C9orf78: variants seen among roughly 807,000 people sequenced by gnomAD.
The protein encoded by C9orf78 is splicing factor C9orf78.
In C9orf78, 19 loss-of-function variants were observed where a neutral mutation model predicts 37.4. The ratio of observed to expected loss-of-function variants is 0.51; its 90% confidence interval spans 0.35 to 0.74. The LOEUF (loss-of-function observed/expected upper bound fraction) is 0.74. C9orf78 is among the 30% of genes least tolerant of loss of function. The pLI, the probability that C9orf78 is intolerant of heterozygous loss-of-function variation, is 0.01. For synonymous variants in C9orf78, 130 were observed against 128.0 expected (o/e 1.02, Z -0.10); for missense variants, 291 against 370.8 (o/e 0.78, Z 1.77).
chr9:129,831,019 G>A lies in C9orf78; in HGVS notation c.394C>T (p.His132Tyr). 6.2e-7 allele frequency: 1 copy of A among 1,613,662 alleles called. No homozygotes were observed. The highest frequency in any genetic ancestry group is 8.5e-7 in the Non-Finnish European group (1 of 1,179,578). The change falls in exon 6 of 9, where the codon CAT becomes TAT. Residue 132 changes from histidine to tyrosine, a missense_variant. Transcript: ENST00000372447. ...ELKKRKGIVE[H>Y]EEQKVKPKNA... ...TTTGGCTTAACTTTCTGTTCCTCAT[G>A]TTCCACGATCCCTTTCCTCTTCTTT...
At position 129,829,441 on chromosome 9, in the gene C9orf78, T is replaced by C; in HGVS notation, c.643A>G (p.Thr215Ala). The C allele has an allele frequency of 1.9e-6, 3 of 1,614,120 alleles. No homozygotes were observed. The highest frequency in any genetic ancestry group is 2.2e-5 in the South Asian group (2 of 91,074). The change falls in exon 7 of 9, where the codon ACC becomes GCC. Residue 215 changes from threonine (T) to alanine (A), a missense_variant. By Grantham distance (58) the Thr-to-Ala change is moderately conservative. Around this residue, in one of 3 missense-constraint regions of C9orf78, gnomAD observed 120 missense variants for 148.7 expected, o/e 0.81. Transcript: ENST00000372447. ...TGCACATAATTCACAGCCATGTTGG[T>C]AGGCACGAAGGAGGTCTCGCTGTCT... ...KKDSETSFVPTNMAVNYVQHN... is the reference protein window; with the variant it reads ...KKDSETSFVPANMAVNYVQHN...
chr9:129,828,478 T>C (rs769611814), intron 8 of C9orf78: 3 of 368,878 alleles, frequency 8.1e-6, no homozygotes, highest in Non-Finnish European at 1.6e-5. Flanking sequence ...GGCTAGAGTG[T>C]AATGGCATGA....
rs765596582 is a variant in C9orf78 at position 129,829,523 on chromosome 9, G to A, written c.561C>T (p.Ile187=). Reference sequence around the variant, plus strand: ...GGGCCTTGGCATCCTCCGTGGAAATGATATTTTTTATTTTAGCACTATGGA... The same window carrying A: ...GGGCCTTGGCATCCTCCGTGGAAATAATATTTTTTATTTTAGCACTATGGA... ...DLGIDAKIKN[I]ISTEDAKARL... Residue 187 remains isoleucine, a synonymous_variant, in exon 7 of 9, where the codon ATC becomes ATT. Transcript: ENST00000372447. 11 of 1,613,784 alleles carry A rather than the reference G, an allele frequency of 6.8e-6. No homozygotes were observed. Among genetic ancestry groups the A allele is most frequent in the South Asian group, 2.2e-5 (2 of 91,066 alleles).
At chr9:129,829,624 C>G in intron 6 of C9orf78, 83 bp from the exon 7 acceptor site, 1 of 1,242,906 alleles carries the variant, frequency 8.0e-7, no homozygotes, top group South Asian at 1.3e-5. Flanking sequence ...GGCAGCCCAG[C>G]AGTACATAAG....
At position 129,828,089 on chromosome 9, in the gene C9orf78, G is replaced by A. The variant is rs149338374; in HGVS notation, c.*72C>T. On this transcript the variant is annotated 3_prime_UTR_variant, in exon 9 of 9. Coordinates refer to ENST00000372447, the MANE Select transcript of C9orf78 (RefSeq NM_016520.3). ...ATTACAGGCAGGAGCCACCACGCCC[G>A]GCCAGGAAGCCATTTTTCATGGGAG... 2.9e-5 allele frequency: 26 copies of A among 894,188 alleles called. No individual in the cohort carries two copies. The highest frequency in any genetic ancestry group is 1.7e-4 in the African/African-American group (10 of 60,324). 55.4% of individuals were successfully genotyped at this position (894,188 alleles called of 1,614,324 possible).
In C9orf78 at chr9:129,829,296, A is replaced by T; in HGVS notation, c.687T>A (p.His229Gln). The T allele has an allele frequency of 6.2e-7, 1 of 1,605,714 alleles. No individual in the cohort carries two copies. The highest frequency in any genetic ancestry group is 8.5e-7 in the Non-Finnish European group (1 of 1,175,808). Residue 229 changes from histidine (H) to glutamine (Q), a missense_variant, in exon 8 of 9, where the codon CAT becomes CAA. Coordinates refer to ENST00000372447, the MANE Select transcript of C9orf78 (RefSeq NM_016520.3). ...TCCGTATGGGCGCGTTGAGCTCCTC[A>T]TGATAAACTGGACCCAAAGAGACCA... is the stretch of plus-strand genomic sequence containing the variant. ...VNYVQHNRFY[H>Q]EELNAPIRRN...
rs1243362234 is a variant in C9orf78 at position 129,830,918 on chromosome 9, A to T, written c.495T>A (p.Leu165=). 6.2e-7 allele frequency: 1 copy of T among 1,613,928 alleles called. No homozygotes were observed. Among genetic ancestry groups the T allele is most frequent in the Non-Finnish European group, 8.5e-7 (1 of 1,179,934 alleles). Residue 165 remains leucine (L), a synonymous_variant, in exon 6 of 9, where the codon CTT becomes CTA. Coordinates refer to ENST00000372447, the MANE Select transcript of C9orf78 (RefSeq NM_016520.3). ...GAATGCCACTCAGCATCTGGTTGGA[A>T]AGCATCTCCTCGGTCTTCTTTGCTG... ...VSSAKKTEEM[L]SNQMLSGIPE... is the part of the protein sequence containing the mutation.
rs1275577764 is a variant in C9orf78 at position 129,834,711 on chromosome 9, C to A, written c.139G>T (p.Val47Leu). 2.5e-6 allele frequency: 4 copies of A among 1,610,884 alleles called. No homozygotes were observed. Among genetic ancestry groups the A allele is most frequent in the South Asian group, 2.2e-5 (2 of 90,974 alleles). Reference protein sequence around the residue: ...VQNLRKRPNGVSAVALLVGEK... With the variant: ...VQNLRKRPNGLSAVALLVGEK... ...TCCTCCCCGCGTGGTACCCACCTCA[C>A]CCCGTTGGGCCTCTTCCTCAAGTTC... The change falls in exon 2 of 9, where the codon GTG (valine) becomes TTG (leucine). Residue 47 changes from valine to leucine, a missense_variant. Physicochemically the swap from Val to Leu is conservative, Grantham distance 32. Coordinates refer to ENST00000372447, the MANE Select transcript of C9orf78 (RefSeq NM_016520.3).
At chr9:129,833,091 A>G (rs369525020) in intron 4 of C9orf78, among the ~76,000 whole-genome samples, 4 of 124,894 alleles carry the variant, frequency 3.2e-5, no homozygotes, top group East Asian at 2.0e-4. Context: ...GTGTGTGTGT[A>G]TACATACACA....
At chr9:129,832,995 ATATGTG>A (rs1205137365) in intron 4 of C9orf78, among the ~76,000 whole-genome samples, 2 of 141,568 alleles carry the variant, frequency 1.4e-5, no homozygotes, top group African/African-American at 5.1e-5. Flanking sequence ...GTATATATAT[ATATGTG>A]TGTGTGTGTG....
chr9:129,830,257 CTT>C (rs34247677), intron 6 of C9orf78: 9 of 140,366 alleles, frequency 6.4e-5, no homozygotes, highest in African/African-American at 1.1e-4. Flanking sequence ...CATGTCTGGC[CTT>C]TTTTTTTTTT....
chr9:129,829,165 T>C lies in C9orf78; in HGVS notation c.778+40A>G, dbSNP rs1353615626. On this transcript the variant is annotated intron_variant, in intron 8 of 8. Transcript: ENST00000372447. ...CTGCCTCCATGGGTTCCCACATTGC[T>C]GAGCACTCCAGGCAGCCCCGAGGCC... 4 of 1,436,180 alleles carry C rather than the reference T, an allele frequency of 2.8e-6. No individual in the cohort carries two copies. The East Asian group carries it at 9.1e-5, about 33-fold the overall frequency. 89.0% of individuals were successfully genotyped at this position (1,436,180 alleles called of 1,614,324 possible). A position where few individuals can be genotyped will look rare whatever the true frequency, so the allele number is the denominator to read the frequency against.
At chr9:129,833,092 T>C (rs2099744767) in intron 4 of C9orf78, among the ~76,000 whole-genome samples, 1 of 148,002 alleles carries the variant, frequency 6.8e-6, no homozygotes, top group Non-Finnish European at 1.5e-5. Flanking sequence ...TGTGTGTGTA[T>C]ACATACACAC....
intron 6 of C9orf78, 87 bp from the exon 7 acceptor site, chr9:129,829,628 A>G: frequency 1.7e-6 from 2 of 1,190,628 alleles, no homozygotes; most frequent in Non-Finnish European, 2.4e-6. Context: ...GCCCAGCAGT[A>G]CATAAGAAAA....
At chr9:129,835,036 C>T in intron 1 of C9orf78, 103 bp downstream of exon 1, 2 of 965,220 alleles carry the variant, frequency 2.1e-6, no homozygotes, top group Non-Finnish European at 3.3e-6. Context: ...GAACCACCAC[C>T]CGAGCTCACA....
chr9:129,830,746 G>A (rs1198849985), intron 6 of C9orf78, 125 bp downstream of exon 6: 19 of 699,538 alleles, frequency 2.7e-5, no homozygotes, highest in African/African-American at 7.1e-5. Context: ...TCCTGACCTC[G>A]TGATCCACCC....
At chr9:129,833,144 C>T (rs1697550609) in intron 4 of C9orf78, among the ~76,000 whole-genome samples, 1 of 146,026 alleles carries the variant, frequency 6.8e-6, no homozygotes, top group African/African-American at 2.5e-5. Context: ...ACTATGTTGC[C>T]CAGGCTGGTC....
chr9:129,835,235 G>C lies in C9orf78; in HGVS notation c.-14C>G, dbSNP rs767064494. 10 of 1,591,782 alleles carry C rather than the reference G, an allele frequency of 6.3e-6. No homozygotes were observed. The highest frequency in any genetic ancestry group is 3.4e-5 in the Admixed American group (2 of 59,350). On this transcript the variant is annotated 5_prime_UTR_variant, in exon 1 of 9. Transcript: ENST00000372447. ...GACGACCGGCATGGTGACAACGGCCGAGTTGTACAGCCGCCGCGCCTCTGC... is the reference window on the plus strand; with the variant it reads ...GACGACCGGCATGGTGACAACGGCCCAGTTGTACAGCCGCCGCGCCTCTGC...
rs764195364 is a variant in C9orf78 at position 129,834,696 on chromosome 9, G to A, written c.143+11C>T. On this transcript the variant is annotated intron_variant, in intron 2 of 8. Transcript: ENST00000372447. ...CCCGCCGCCTCCTCCTCCTCCCCGCGTGGTACCCACCTCACCCCGTTGGGC... is the reference window on the plus strand; with the variant it reads ...CCCGCCGCCTCCTCCTCCTCCCCGCATGGTACCCACCTCACCCCGTTGGGC... 7 of 1,602,948 alleles carry A rather than the reference G, an allele frequency of 4.4e-6. No homozygotes were observed. The highest frequency in any genetic ancestry group is 6.0e-6 in the Non-Finnish European group (7 of 1,171,340).
Sources: allele counts gnomAD v4.1 joint callset (sites outside exome capture counted in the v4.1 genomes callset), GRCh38; gene constraint gnomAD v4.1.1; regional missense constraint gnomAD v4.1.1; transcripts MANE v1.5; gene names NCBI Gene and HGNC (gene_info 2026-07-23, HGNC 2026-07-21).